Variants in UVRAG observed in about 807,000 individuals in gnomAD.
UVRAG encodes UV radiation resistance-associated gene protein.
Under a neutral mutation model 78.0 loss-of-function variants are expected in UVRAG, and 19 were observed. The observed-to-expected ratio is 0.24, with a 90% confidence interval of 0.17 to 0.36. The LOEUF is 0.36. Among genes scored for constraint, UVRAG ranks in the 10% least tolerant of loss-of-function variants. The pLI, the probability that UVRAG is intolerant of heterozygous loss-of-function variation, is 1.00. For synonymous variants in UVRAG, 323 were observed against 324.6 expected, an observed-to-expected ratio of 1.00 and a Z score of 0.05; for missense variants, 740 against 853.8, an observed-to-expected ratio of 0.87 and a Z score of 1.66.
At chr11:76,101,894 T>A (rs1274968413) in intron 13 of UVRAG, among the ~76,000 whole-genome samples, 1 of 152,200 alleles carries the variant, frequency 6.6e-6, no homozygotes, top group Non-Finnish European at 1.5e-5. Flanking sequence ...TGGTTGTACG[T>A]GTACAGCCTT....
chr11:75,844,578 G>A (rs187026197), intron 1 of UVRAG, among the ~76,000 whole-genome samples: 31 of 152,040 alleles, frequency 2.0e-4, no homozygotes, highest in African/African-American at 6.5e-4. Context: ...CAGCTATTCT[G>A]GGTTTTTTGG....
At chr11:75,853,725 C>T (rs1027988603) in intron 2 of UVRAG, among the ~76,000 whole-genome samples, 1 of 151,966 alleles carries the variant, frequency 6.6e-6, no homozygotes, top group East Asian at 1.9e-4. Context: ...TCTCACTTTT[C>T]AGTCTAACCA....
intron 6 of UVRAG, among the ~76,000 whole-genome samples, chr11:75,941,270 A>G (rs1019412500): frequency 2.0e-5 from 3 of 152,102 alleles, no homozygotes; most frequent in African/African-American, 7.2e-5. Flanking sequence ...TTCTGTTCAG[A>G]TTTTTGTTGT....
chr11:76,142,944 T>C lies in UVRAG; in HGVS notation c.*1531T>C, dbSNP rs1952748863. ...TGTATAGCTACATTGTTGTTTTCCA[T>C]GTAGAGAACTCACAGGATGACTACA... is the stretch of plus-strand genomic sequence containing the variant. On this transcript the variant is annotated 3_prime_UTR_variant, in exon 15 of 15. Transcript: ENST00000356136. 2 of 152,260 alleles carry C rather than the reference T, an allele frequency of 1.3e-5. No homozygotes were observed. Among genetic ancestry groups the C allele is most frequent in the Admixed American group, 1.3e-4 (2 of 15,282 alleles). The allele number at this position is 152,260 out of a possible 1,614,324, so 9.4% of individuals were successfully genotyped here.
At chr11:76,096,752 G>A (rs1469943803) in intron 13 of UVRAG, among the ~76,000 whole-genome samples, 1 of 152,178 alleles carries the variant, frequency 6.6e-6, no homozygotes, top group Non-Finnish European at 1.5e-5. Flanking sequence ...TGCCACCAGA[G>A]CCTGTTCCAC....
intron 13 of UVRAG, among the ~76,000 whole-genome samples, chr11:76,090,180 G>A (rs1005696785): frequency 2.6e-5 from 4 of 152,188 alleles, no homozygotes; most frequent in Non-Finnish European, 4.4e-5. Flanking sequence ...TGACTGTGGA[G>A]TGGTTCTGCC....
At chr11:75,830,776 G>A (rs954108140) in intron 1 of UVRAG, among the ~76,000 whole-genome samples, 2 of 151,970 alleles carry the variant, frequency 1.3e-5, no homozygotes, top group South Asian at 2.1e-4. Flanking sequence ...CTTTTGTCTC[G>A]AATACTTTCA....
At chr11:76,005,551 C>T (rs569775745) in intron 9 of UVRAG, among the ~76,000 whole-genome samples, 1 of 152,322 alleles carries the variant, frequency 6.6e-6, no homozygotes, top group East Asian at 1.9e-4. Flanking sequence ...CTCAATACAA[C>T]ACTTTTAACA....
At chr11:75,872,542 C>T (rs764081359) in intron 3 of UVRAG, among the ~76,000 whole-genome samples, 19 of 152,058 alleles carry the variant, frequency 1.2e-4, no homozygotes, top group Non-Finnish European at 2.8e-4. Context: ...CGCGCCCCAC[C>T]ACGCCCGGCT....
chr11:76,070,564 T>C (rs1463426468), intron 13 of UVRAG, among the ~76,000 whole-genome samples: 3 of 152,210 alleles, frequency 2.0e-5, no homozygotes, highest in African/African-American at 7.2e-5. Flanking sequence ...CTTGTACCCC[T>C]TAAATTGATA....
chr11:75,935,728 A>C (rs1948360323), intron 6 of UVRAG, among the ~76,000 whole-genome samples: 4 of 146,210 alleles, frequency 2.7e-5, no homozygotes, highest in African/African-American at 1.0e-4. Flanking sequence ...AACCATTTGA[A>C]AGTAAATTAG....
chr11:75,918,990 AGT>A (rs1266412051), intron 6 of UVRAG, among the ~76,000 whole-genome samples: 2 of 152,150 alleles, frequency 1.3e-5, no homozygotes, highest in East Asian at 3.9e-4. Context: ...TCTTTCTATA[AGT>A]GTTTTGGGAA....
intron 8 of UVRAG, among the ~76,000 whole-genome samples, chr11:75,991,862 G>C (rs543446880): frequency 6.6e-6 from 1 of 152,158 alleles, no homozygotes; most frequent in South Asian, 2.1e-4. Context: ...CCATTTACAA[G>C]ACTGAGGTTT....
intron 6 of UVRAG, among the ~76,000 whole-genome samples, chr11:75,949,181 G>C (rs1948637754): frequency 6.6e-6 from 1 of 152,134 alleles, no homozygotes; most frequent in South Asian, 2.1e-4. Context: ...TAGGTTGCTT[G>C]ATTTTTGTGA....
chr11:75,983,725 C>G, intron 8 of UVRAG: 1 of 537,488 alleles, frequency 1.9e-6, no homozygotes, highest in East Asian at 3.4e-5. Context: ...GTATAAACTA[C>G]TACTACACAC....
intron 13 of UVRAG, among the ~76,000 whole-genome samples, chr11:76,078,359 C>G (rs1951437508): frequency 6.6e-6 from 1 of 152,098 alleles, no homozygotes; most frequent in African/African-American, 2.4e-5. Context: ...ACTACTTTCA[C>G]CAACATACCC....
intron 3 of UVRAG, among the ~76,000 whole-genome samples, chr11:75,865,037 C>G (rs1946506894): frequency 6.6e-6 from 1 of 152,134 alleles, no homozygotes; most frequent in Non-Finnish European, 1.5e-5. Flanking sequence ...CCTGTAATCC[C>G]AGCACTTTGG....
At chr11:75,940,771 A>G (rs1484353925) in intron 6 of UVRAG, among the ~76,000 whole-genome samples, 1 of 152,154 alleles carries the variant, frequency 6.6e-6, no homozygotes. Context: ...TTTTATCCCC[A>G]TTTTGCAGAT....
rs1311214349 is a variant in UVRAG at position 75,918,137 on chromosome 11, C to T, written c.593+6098C>T. On this transcript the variant is annotated intron_variant, in intron 6 of 14. Transcript: ENST00000356136. The stretch of plus-strand genomic sequence containing the variant: ...ATCCCAGCACTTTGGGAGGCCGAGA[C>T]GGGCAGATCATGAGGTCAGGAGATC... Among the ~76,000 whole-genome samples the T allele has an allele frequency of 5.4e-5, 8 of 148,568 alleles. No homozygotes were observed. The East Asian group carries it at 7.9e-4, about 15-fold the overall frequency.
Sources: allele counts gnomAD v4.1 joint callset (sites outside exome capture counted in the v4.1 genomes callset), GRCh38; gene constraint gnomAD v4.1.1; transcripts MANE v1.5; gene names NCBI Gene and HGNC (gene_info 2026-07-23, HGNC 2026-07-21).